ARL13B: variants seen among roughly 807,000 people sequenced by gnomAD.
The protein encoded by ARL13B is ADP-ribosylation factor-like protein 13B.
ARL13B carries 36 observed loss-of-function variants against 56.1 expected under a neutral mutation model. That is an observed-to-expected ratio of 0.64 (90% CI 0.49 to 0.85). ARL13B has a LOEUF of 0.85. ARL13B is among the 40% of genes least tolerant of loss of function. ARL13B has a pLI of 0.00. For synonymous variants in ARL13B, 178 were observed against 171.1 expected, an observed-to-expected ratio of 1.04 and a Z score of -0.32; for missense variants, 519 against 507.1, an observed-to-expected ratio of 1.02 and a Z score of -0.23.
intron 1 of ARL13B, among the ~76,000 whole-genome samples, chr3:93,992,071 T>G (rs2075886519): frequency 6.6e-6 from 1 of 152,192 alleles, no homozygotes; most frequent in East Asian, 1.9e-4. Flanking sequence ...TTTGTTTGTT[T>G]GAGCCTAATA....
rs764659236 is a variant in ARL13B at position 94,014,414 on chromosome 3, A to G, written c.380+10506A>G. On this transcript the variant is annotated intron_variant, in intron 3 of 9. Transcript: ENST00000394222. ...TTTGAGCTACAGCATGGACAGCACC[A>G]ACAACACAGTACTCTGCAAGGATTT... 8 of 1,563,208 alleles carry G rather than the reference A, an allele frequency of 5.1e-6. No individual in the cohort carries two copies. Among genetic ancestry groups the G allele is most frequent in the Non-Finnish European group, 6.9e-6 (8 of 1,163,042 alleles).
intron 7 of ARL13B, among the ~76,000 whole-genome samples, chr3:94,049,169 A>G (rs1365114131): frequency 6.6e-6 from 1 of 152,174 alleles, no homozygotes; most frequent in African/African-American, 2.4e-5. Context: ...TAAAATATAG[A>G]ATTTTGGCTC....
In ARL13B at chr3:94,043,694, C is replaced by T. The variant is rs1003228030; in HGVS notation, c.1024+454C>T. 4.1e-5 allele frequency among the ~76,000 whole-genome samples: 3 copies of T among 73,176 alleles called. No individual in the cohort carries two copies. The Admixed American group carries it at 5.0e-4, about 12-fold the overall frequency. 48.0% of individuals were successfully genotyped at this position (73,176 alleles called of 152,430 possible). On this transcript the variant is annotated intron_variant, in intron 7 of 9. Transcript: ENST00000394222. ...TTCTTTCTTTCTACAGTCTCCCTCT[C>T]TTGCCGAGCCTGGACTGTACTGCCA...
intron 7 of ARL13B, among the ~76,000 whole-genome samples, chr3:94,046,307 G>T (rs943010571): frequency 2.0e-5 from 3 of 151,544 alleles, no homozygotes; most frequent in African/African-American, 7.3e-5. Flanking sequence ...TCATCTCCTG[G>T]CAATCACTGA....
At chr3:94,004,279 AAG>A (rs1178818004) in intron 3 of ARL13B, among the ~76,000 whole-genome samples, 2 of 151,896 alleles carry the variant, frequency 1.3e-5, no homozygotes, top group Non-Finnish European at 2.9e-5. Context: ...TTTTTCCTTA[AAG>A]AGTTATTATT....
chr3:93,996,035 G>A, intron 2 of ARL13B, 91 bp downstream of exon 2: 2 of 1,304,796 alleles, frequency 1.5e-6, no homozygotes, highest in East Asian at 5.0e-5. Flanking sequence ...TTATTAATTT[G>A]GTACAGATAC....
At chr3:93,993,849 C>T (rs2075919665) in intron 1 of ARL13B, among the ~76,000 whole-genome samples, 1 of 152,128 alleles carries the variant, frequency 6.6e-6, no homozygotes, top group South Asian at 2.1e-4. Flanking sequence ...TAGACCTTGC[C>T]CACTACCTCT....
intron 3 of ARL13B, among the ~76,000 whole-genome samples, chr3:94,011,618 C>T (rs1430360961): frequency 6.6e-6 from 1 of 152,108 alleles, no homozygotes; most frequent in East Asian, 1.9e-4. Context: ...TACCCAAGTC[C>T]AGCTTCTGCA....
intron 1 of ARL13B, among the ~76,000 whole-genome samples, chr3:93,988,057 G>A (rs778493510): frequency 7.2e-5 from 11 of 152,096 alleles, no homozygotes; most frequent in Non-Finnish European, 1.3e-4. Flanking sequence ...AGCTGTACAC[G>A]TTCTACCAAT....
intron 2 of ARL13B, among the ~76,000 whole-genome samples, chr3:93,998,174 C>A (rs542984950): frequency 6.6e-6 from 1 of 152,262 alleles, no homozygotes; most frequent in African/African-American, 2.4e-5. Flanking sequence ...AAGTGGCAAA[C>A]CAGATTTGAC....
At chr3:94,025,880 GT>G (rs2076545560) in intron 3 of ARL13B, among the ~76,000 whole-genome samples, 1 of 152,078 alleles carries the variant, frequency 6.6e-6, no homozygotes, top group South Asian at 2.1e-4. Flanking sequence ...AGGAAACTCA[GT>G]TTTAGTTCCC....
chr3:93,981,231 A>C (rs1258705986), intron 1 of ARL13B, among the ~76,000 whole-genome samples: 1 of 152,262 alleles, frequency 6.6e-6, no homozygotes, highest in Non-Finnish European at 1.5e-5. Flanking sequence ...GCACTGTCTT[A>C]GGAAATAATC....
rs753299290 is a variant in ARL13B, at chr3:94,003,827, A to G, written c.299A>G (p.Asp100Gly). The change falls in exon 3 of 10, where the codon GAT (aspartate) becomes GGT (glycine). Residue 100 changes from aspartate to glycine, a missense_variant. Coordinates refer to ENST00000394222, the MANE Select transcript of ARL13B (RefSeq NM_001174150.2). ...GTAATATTTGTTGTGGATTCCAGTG[A>G]TGAAGAGAGAATGGAAGAGACAAAA... is the stretch of plus-strand genomic sequence containing the variant. ...YGVIFVVDSS[D>G]EERMEETKEA... is the part of the protein sequence containing the mutation. 2 of 1,613,740 alleles carry G rather than the reference A, an allele frequency of 1.2e-6. No individual in the cohort carries two copies. The highest frequency in any genetic ancestry group is 1.7e-6 in the Non-Finnish European group (2 of 1,179,740).
Position 94,044,760 on chromosome 3 carries a change from C to T in ARL13B, c.1024+1520C>T, listed in dbSNP as rs557411760. Among the ~76,000 whole-genome samples the T allele has an allele frequency of 3.3e-3, 470 of 143,624 alleles. 8 individuals are homozygous for T. Among genetic ancestry groups the T allele is most frequent in the Admixed American group, 0.02 (283 of 14,396 alleles). 94.2% of individuals were successfully genotyped at this position (143,624 alleles called of 152,430 possible). A position where few individuals can be genotyped will look rare whatever the true frequency, so the allele number is the denominator to read the frequency against. On this transcript the variant is annotated intron_variant, in intron 7 of 9. Coordinates refer to ENST00000394222, the MANE Select transcript of ARL13B (RefSeq NM_001174150.2). Reference sequence around the variant, plus strand: ...CTGGGAGGTGAGGAGCGCCTCTGCCCGGCCGCCCCGAATGGGAAGTGAGGA... The same window carrying T: ...CTGGGAGGTGAGGAGCGCCTCTGCCTGGCCGCCCCGAATGGGAAGTGAGGA...
intron 5 of ARL13B, among the ~76,000 whole-genome samples, chr3:94,038,486 C>CT (rs773096232): frequency 0.039 from 1,262 of 32,742 alleles, 13 homozygotes; most frequent in African/African-American, 0.092. Flanking sequence ...GTGTTTCTTT[C>CT]TTTTTTTTTT....
At chr3:94,027,049 ATACT>A (rs2076572387) in intron 3 of ARL13B, among the ~76,000 whole-genome samples, 1 of 152,134 alleles carries the variant, frequency 6.6e-6, no homozygotes, top group South Asian at 2.1e-4. Context: ...CCTGGGATAG[ATACT>A]TAGTGTATTT....
At chr3:93,996,805 G>T in intron 2 of ARL13B, 1 of 172,538 alleles carries the variant, frequency 5.8e-6, no homozygotes, top group South Asian at 1.2e-4. Flanking sequence ...CCGGGGCCGT[G>T]GACCAATATC....
Position 94,043,181 on chromosome 3 carries a change from A to C in ARL13B, c.965A>C (p.Glu322Ala). The change falls in exon 7 of 10, where the codon GAG becomes GCG. Residue 322 changes from glutamate to alanine, a missense_variant. Physicochemically the swap from Glu to Ala is moderately radical, Grantham distance 107. Coordinates refer to ENST00000394222, the MANE Select transcript of ARL13B (RefSeq NM_001174150.2). ...NEFGLVENYK[E>A]ALTQQLKNED... Reference sequence around the variant, plus strand: ...TTTGGACTAGTAGAAAATTATAAGGAGGCATTAACACAGCAGTTAAAGAAT... The same window carrying C: ...TTTGGACTAGTAGAAAATTATAAGGCGGCATTAACACAGCAGTTAAAGAAT... 2 of 1,613,700 alleles carry C rather than the reference A, an allele frequency of 1.2e-6. No individual in the cohort carries two copies. The highest frequency in any genetic ancestry group is 1.3e-5 in the African/African-American group (1 of 75,032).
At chr3:94,019,681 G>T (rs576837884) in intron 3 of ARL13B, among the ~76,000 whole-genome samples, 68 of 150,296 alleles carry the variant, frequency 4.5e-4, no homozygotes, top group African/African-American at 1.5e-3. Flanking sequence ...TCCTCCTTTG[G>T]CATTATCTCT....
Sources: allele counts gnomAD v4.1 joint callset (sites outside exome capture counted in the v4.1 genomes callset), GRCh38; gene constraint gnomAD v4.1.1; transcripts MANE v1.5; gene names NCBI Gene and HGNC (gene_info 2026-07-23, HGNC 2026-07-21).